The following LRP1B variants were observed in gnomAD, a reference collection of about 807,000 sequenced individuals.
The protein encoded by LRP1B is LDL receptor related protein 1B.
Under a neutral mutation model 556.6 loss-of-function variants are expected in LRP1B, and 217 were observed. That is an observed-to-expected ratio of 0.39 (90% CI 0.35 to 0.44). The LOEUF (loss-of-function observed/expected upper bound fraction) is 0.44, where lower values mean the gene tolerates loss of function less well. Among genes scored for constraint, LRP1B ranks in the 20% least tolerant of loss-of-function variants. The pLI, the probability that LRP1B is intolerant of heterozygous loss-of-function variation, is 1.00. For synonymous variants in LRP1B, 2,047 were observed against 1,865.8 expected (o/e 1.10, Z -2.50); for missense variants, 5,053 against 5,620.8 (o/e 0.90, Z 3.23).
At position 140,996,679 on chromosome 2, in the gene LRP1B, T is replaced by A. The variant is rs139806992; in HGVS notation, c.2504-2544A>T. Reference sequence around the variant, plus strand: ...CTATTTGTGGGGGCTGTATAAATCCTTCAGGAAAACCACATCCTTTCAACT... The same window carrying A: ...CTATTTGTGGGGGCTGTATAAATCCATCAGGAAAACCACATCCTTTCAACT... On this transcript the variant is annotated intron_variant, in intron 15 of 90. Transcript: ENST00000389484. Among the ~76,000 whole-genome samples, 19 of 152,090 alleles carry A rather than the reference T, an allele frequency of 1.2e-4. No individual in the cohort carries two copies. The East Asian group carries it at 3.7e-3, about 30-fold the overall frequency.
intron 1 of LRP1B, among the ~76,000 whole-genome samples, chr2:141,892,739 GGTGAAGAGTCTTTCTCTTGACTCATC>G (rs1699328011): frequency 1.3e-5 from 2 of 152,192 alleles, no homozygotes; most frequent in South Asian, 4.1e-4. Context: ...AGGTCAAAAT[GGTGAAGAGTCTTTCTCTTGACTCATC>G]GTTCAGCATT....
intron 2 of LRP1B, among the ~76,000 whole-genome samples, chr2:141,655,290 C>T (rs1041863905): frequency 6.6e-6 from 1 of 152,054 alleles, no homozygotes; most frequent in African/African-American, 2.4e-5. Flanking sequence ...GCTTAATGTC[C>T]TTTCTTCATT....
chr2:140,985,303 C>G lies in LRP1B; in HGVS notation c.2771-3027G>C, dbSNP rs183335808. On this transcript the variant is annotated intron_variant, in intron 17 of 90. Transcript: ENST00000389484. ...TTATTTAATGTCATATCAAAATGCACTATTATTTTGTAAAGAAAAGTCTAA... is the reference window on the plus strand; with the variant it reads ...TTATTTAATGTCATATCAAAATGCAGTATTATTTTGTAAAGAAAAGTCTAA... 1.4e-3 allele frequency among the ~76,000 whole-genome samples: 216 copies of G among 151,132 alleles called. 3 individuals are homozygous for G. Among genetic ancestry groups the G allele is most frequent in the Non-Finnish European group, 2.9e-4 (20 of 67,850 alleles).
chr2:140,433,820 TTC>T (rs1427145656), intron 66 of LRP1B, among the ~76,000 whole-genome samples: 2 of 148,146 alleles, frequency 1.4e-5, no homozygotes, highest in Non-Finnish European at 3.0e-5. Flanking sequence ...TTTATATTTC[TTC>T]TGTTTTTTTT....
At chr2:141,721,616 C>T (rs1692817479) in intron 2 of LRP1B, among the ~76,000 whole-genome samples, 1 of 152,050 alleles carries the variant, frequency 6.6e-6, no homozygotes, top group South Asian at 2.1e-4. Flanking sequence ...AGAGAAAAAT[C>T]TTTAAAACAT....
chr2:142,048,320 T>A (rs1704328965), intron 1 of LRP1B, among the ~76,000 whole-genome samples: 1 of 152,094 alleles, frequency 6.6e-6, no homozygotes, highest in Non-Finnish European at 1.5e-5. Context: ...TTTTGGAGGT[T>A]AACTAACATG....
At chr2:141,407,633 C>G (rs1168457585) in intron 3 of LRP1B, among the ~76,000 whole-genome samples, 2 of 152,086 alleles carry the variant, frequency 1.3e-5, no homozygotes, top group Non-Finnish European at 2.9e-5. Flanking sequence ...CTCACTTGCT[C>G]CTGCTTTCAC....
chr2:142,052,285 T>C (rs1295771595), intron 1 of LRP1B, among the ~76,000 whole-genome samples: 1 of 152,086 alleles, frequency 6.6e-6, no homozygotes, highest in East Asian at 1.9e-4. Context: ...CTCAAATCCC[T>C]AGAGATATGG....
intron 2 of LRP1B, among the ~76,000 whole-genome samples, chr2:141,678,317 T>C (rs1378797340): frequency 1.3e-5 from 2 of 152,052 alleles, no homozygotes; most frequent in African/African-American, 4.8e-5. Flanking sequence ...AAAGAGTCTG[T>C]CAAATAGCCA....
chr2:141,942,992 T>C (rs1700857277), intron 1 of LRP1B, among the ~76,000 whole-genome samples: 1 of 152,190 alleles, frequency 6.6e-6, no homozygotes, highest in African/African-American at 2.4e-5. Flanking sequence ...ACAATCTAAT[T>C]TTTCCTCTGA....
chr2:141,447,630 T>G (rs1681246236), intron 3 of LRP1B, among the ~76,000 whole-genome samples: 1 of 152,192 alleles, frequency 6.6e-6, no homozygotes, highest in South Asian at 2.1e-4. Flanking sequence ...TTGATGCTAT[T>G]CCTTTCTGTT....
chr2:141,024,013 A>G (rs1168394486), intron 11 of LRP1B, among the ~76,000 whole-genome samples: 2 of 152,012 alleles, frequency 1.3e-5, no homozygotes, highest in Admixed American at 1.3e-4. Context: ...ACCTCACCCT[A>G]GAGTCAGCAC....
At chr2:140,606,772 C>G (rs899942687) in intron 41 of LRP1B, among the ~76,000 whole-genome samples, 8 of 151,922 alleles carry the variant, frequency 5.3e-5, no homozygotes, top group Non-Finnish European at 7.4e-5. Context: ...TTCTTCATAT[C>G]ACACACACAC....
intron 41 of LRP1B, among the ~76,000 whole-genome samples, chr2:140,650,271 G>A (rs1264740266): frequency 6.6e-6 from 1 of 151,206 alleles, no homozygotes; most frequent in Non-Finnish European, 1.5e-5. Context: ...AATTCAGCTG[G>A]CTCCGATAGA....
At chr2:141,759,532 A>G (rs1297944103) in intron 2 of LRP1B, among the ~76,000 whole-genome samples, 1 of 152,226 alleles carries the variant, frequency 6.6e-6, no homozygotes, top group Non-Finnish European at 1.5e-5. Flanking sequence ...ATTCAAAGAT[A>G]TAATAGAAGA....
At chr2:142,128,204 T>C (rs189392459) in intron 1 of LRP1B, among the ~76,000 whole-genome samples, 73 of 152,246 alleles carry the variant, frequency 4.8e-4, no homozygotes, top group Non-Finnish European at 3.1e-4. Context: ...AACTTATGAA[T>C]GTATAAAGGA....
rs188916003 is a variant in LRP1B at position 140,533,892 on chromosome 2, T to C, written c.7762+129A>G. The stretch of plus-strand genomic sequence containing the variant: ...CTTTAGCAACTCCATTCCAACAGCA[T>C]TTACCAAAGTGTGATCCATAGATGT... On this transcript the variant is annotated intron_variant, in intron 47 of 90. Coordinates refer to ENST00000389484, the MANE Select transcript of LRP1B (RefSeq NM_018557.3). 4.2e-5 allele frequency: 39 copies of C among 928,514 alleles called. No individual in the cohort carries two copies. The East Asian group carries it at 1.0e-3, about 24-fold the overall frequency. The allele number at this position is 928,514 out of a possible 1,614,324, so 57.5% of individuals were successfully genotyped here. A position where few individuals can be genotyped will look rare whatever the true frequency, so the allele number is the denominator to read the frequency against.
intron 3 of LRP1B, among the ~76,000 whole-genome samples, chr2:141,272,015 T>C (rs867300775): frequency 1.3e-5 from 2 of 151,958 alleles, no homozygotes; most frequent in Non-Finnish European, 2.9e-5. Flanking sequence ...ACAGAAACAA[T>C]GAAGAGAATC....
chr2:141,011,993 C>G (rs1052275460), intron 14 of LRP1B, among the ~76,000 whole-genome samples: 1 of 151,982 alleles, frequency 6.6e-6, no homozygotes, highest in Non-Finnish European at 1.5e-5. Flanking sequence ...TTGTCAGGCA[C>G]AGTGCTATGT....
Sources: allele counts gnomAD v4.1 joint callset (sites outside exome capture counted in the v4.1 genomes callset), GRCh38; gene constraint gnomAD v4.1.1; transcripts MANE v1.5; gene names NCBI Gene and HGNC (gene_info 2026-07-23, HGNC 2026-07-21).